The following GPHN variants were observed in gnomAD, a reference collection of about 807,000 sequenced individuals.
GPHN encodes gephyrin.
A neutral mutation model predicts 95.5 loss-of-function variants in GPHN; 17 were observed. The observed-to-expected ratio is 0.18, with a 90% CI of 0.12 to 0.27. The LOEUF (loss-of-function observed/expected upper bound fraction) is 0.27. GPHN is among the 10% of genes least tolerant of loss of function. GPHN has a pLI of 1.00. For missense variants in GPHN, 660 were observed against 978.1 expected, an observed-to-expected ratio of 0.67 and a Z score of 4.34; for synonymous variants, 320 against 322.5, an observed-to-expected ratio of 0.99 and a Z score of 0.08.
At chr14:66,539,597 A>G (rs1205694995) in intron 1 of GPHN, among the ~76,000 whole-genome samples, 1 of 125,568 alleles carries the variant, frequency 8.0e-6, no homozygotes, top group East Asian at 2.6e-4. Flanking sequence ...TATTTTTGGT[A>G]GAGACGGGTG....
At chr14:66,574,826 T>C (rs1356505528) in intron 1 of GPHN, among the ~76,000 whole-genome samples, 1 of 152,182 alleles carries the variant, frequency 6.6e-6, no homozygotes, top group Non-Finnish European at 1.5e-5. Context: ...TGGGATATAC[T>C]CTCCTGTTCT....
chr14:67,668,661 G>GAA, the GPHN span, among the ~76,000 whole-genome samples: 1 of 151,998 alleles, frequency 6.6e-6, no homozygotes, highest in Non-Finnish European at 1.5e-5. Flanking sequence ...GAAACACAGT[G>GAA]AAAAAAAGAC....
At chr14:66,794,554 T>A (rs2060091929) in intron 3 of GPHN, among the ~76,000 whole-genome samples, 1 of 152,250 alleles carries the variant, frequency 6.6e-6, no homozygotes, top group South Asian at 2.1e-4. Flanking sequence ...ATTAAAATTC[T>A]TTATCAGTTT....
chr14:67,405,709 C>T, the GPHN span, among the ~76,000 whole-genome samples: 18 of 152,356 alleles, frequency 1.2e-4, no homozygotes, highest in Middle Eastern at 0.017. Flanking sequence ...CTCTCTCCCT[C>T]TCTCTCTTTC....
chr14:66,668,618 C>A (rs2066108535), intron 1 of GPHN, among the ~76,000 whole-genome samples: 1 of 152,090 alleles, frequency 6.6e-6, no homozygotes, highest in South Asian at 2.1e-4. Context: ...AGAACACACA[C>A]CAGGGCCTAC....
chr14:67,427,599 C>T, the GPHN span, among the ~76,000 whole-genome samples: 2 of 152,200 alleles, frequency 1.3e-5, no homozygotes, highest in African/African-American at 2.4e-5. Flanking sequence ...TTAAGACTTA[C>T]CGTCGCCATT....
intron 6 of GPHN, among the ~76,000 whole-genome samples, chr14:66,916,618 T>C (rs8013943): frequency 0.31 from 47,508 of 151,570 alleles, 11,612 homozygotes; most frequent in African/African-American, 0.66. Flanking sequence ...GTCTCCAGTA[T>C]GTTCCAGAAC....
the GPHN span, chr14:67,587,595 CT>C: frequency 7.1e-6 from 2 of 282,340 alleles, no homozygotes; most frequent in Non-Finnish European, 1.4e-5. Flanking sequence ...AATTTTCTTT[CT>C]GGGGGGGGCG....
chr14:67,401,928 C>T, the GPHN span, among the ~76,000 whole-genome samples: 1 of 152,106 alleles, frequency 6.6e-6, no homozygotes, highest in Admixed American at 6.5e-5. Flanking sequence ...GTCAGGAGTT[C>T]GAGAGCAGTC....
At chr14:66,719,579 A>C (rs527984005) in intron 2 of GPHN, among the ~76,000 whole-genome samples, 33 of 152,158 alleles carry the variant, frequency 2.2e-4, no homozygotes, top group Middle Eastern at 3.4e-3. Flanking sequence ...GTCGTTCTGT[A>C]GCCAAAATTC....
At chr14:67,018,198 G>T (rs564882418) in intron 9 of GPHN, among the ~76,000 whole-genome samples, 2 of 152,118 alleles carry the variant, frequency 1.3e-5, no homozygotes, top group East Asian at 3.9e-4. Context: ...TCTAAACCTA[G>T]GTTGTAGTGT....
chr14:67,257,667 A>G, the GPHN span, among the ~76,000 whole-genome samples: 2 of 152,122 alleles, frequency 1.3e-5, no homozygotes, highest in South Asian at 2.1e-4. Flanking sequence ...GTATATATGT[A>G]TGTATATATA....
chr14:67,226,884 G>A, the GPHN span, among the ~76,000 whole-genome samples: 2 of 152,124 alleles, frequency 1.3e-5, no homozygotes, highest in Non-Finnish European at 2.9e-5. Flanking sequence ...TGGAGACAGC[G>A]ATGGGTGGCA....
intron 8 of GPHN, among the ~76,000 whole-genome samples, chr14:66,934,776 C>T (rs537861314): frequency 2.6e-5 from 4 of 152,308 alleles, no homozygotes; most frequent in South Asian, 2.1e-4. Context: ...TTGTGAACCA[C>T]TCATTCAAGC....
the GPHN span, among the ~76,000 whole-genome samples, chr14:67,506,102 G>A: frequency 1.2e-4 from 18 of 152,206 alleles, no homozygotes; most frequent in African/African-American, 3.6e-4. Flanking sequence ...CCAGGAAGCT[G>A]GAAGCCAGCA....
At chr14:67,108,324 C>T (rs1471036538) in intron 13 of GPHN, among the ~76,000 whole-genome samples, 2 of 152,168 alleles carry the variant, frequency 1.3e-5, no homozygotes, top group African/African-American at 4.8e-5. Flanking sequence ...TTCTGTCTCT[C>T]TCCTACCCTC....
chr14:67,302,154 T>C, the GPHN span: 2 of 1,559,174 alleles, frequency 1.3e-6, no homozygotes, highest in African/African-American at 1.4e-5. Flanking sequence ...AACAAGTGCA[T>C]TTTTCTGCTG....
chr14:66,531,684 A>G lies in GPHN; in HGVS notation c.64+23093A>G, dbSNP rs112913063. 3.7e-3 allele frequency among the ~76,000 whole-genome samples: 556 copies of G among 152,322 alleles called. 12 individuals are homozygous for G. The highest frequency in any genetic ancestry group is 0.013 in the African/African-American group (530 of 41,568). ...AGCCTGACTTGTTAACAAACAATAC[A>G]GCTCAACTCAATATGTAGTGTATCA... On this transcript the variant is annotated intron_variant, in intron 1 of 22. Transcript: ENST00000478722.
the GPHN span, among the ~76,000 whole-genome samples, chr14:67,622,754 C>T: frequency 6.6e-6 from 1 of 152,218 alleles, no homozygotes; most frequent in East Asian, 1.9e-4. Flanking sequence ...CATCTGAACT[C>T]GGCCAAGCAT....
Sources: gnomAD v4.1 joint callset for allele counts (sites outside exome capture counted in the v4.1 genomes callset) on GRCh38, gnomAD v4.1.1 for gene constraint, MANE v1.5 for transcripts, NCBI Gene and HGNC (gene_info 2026-07-23, HGNC 2026-07-21) for gene names.